Variants in PCDHA6 observed in about 807,000 individuals in gnomAD.
The protein encoded by PCDHA6 is protocadherin alpha 6.
Under a neutral mutation model 60.3 loss-of-function variants are expected in PCDHA6, and 55 were observed. The ratio of observed to expected loss-of-function variants is 0.91; its 90% CI spans 0.73 to 1.14. PCDHA6 has a LOEUF of 1.14. PCDHA6 is among the 50% of genes most tolerant of loss of function. PCDHA6 has a pLI of 0.00. For missense variants in PCDHA6, 1,327 were observed against 1,256.5 expected (o/e 1.06, Z -0.85); for synonymous variants, 652 against 557.9 (o/e 1.17, Z -2.38).
At chr5:140,876,745 G>T (rs782242909) in intron 1 of PCDHA6, 2 of 1,614,264 alleles carry the variant, frequency 1.2e-6, no homozygotes, top group South Asian at 2.2e-5. Flanking sequence ...TGAGCTGGTG[G>T]TGACTGCGCG....
At chr5:140,949,144 T>C (rs2094347159) in intron 1 of PCDHA6, among the ~76,000 whole-genome samples, 1 of 151,806 alleles carries the variant, frequency 6.6e-6, no homozygotes, top group Non-Finnish European at 1.5e-5. Context: ...TTGTTGCTTT[T>C]GATTTCTAAT....
chr5:140,942,391 G>A (rs901640537), intron 1 of PCDHA6, among the ~76,000 whole-genome samples: 1 of 151,546 alleles, frequency 6.6e-6, no homozygotes, highest in Non-Finnish European at 1.5e-5. Context: ...CAGCCTGGGC[G>A]ACAGATGAGA....
chr5:140,999,338 G>T (rs1451765927), intron 3 of PCDHA6, among the ~76,000 whole-genome samples: 2 of 152,126 alleles, frequency 1.3e-5, no homozygotes, highest in African/African-American at 2.4e-5. Context: ...TGATTTATAA[G>T]CCTTGTCTCT....
chr5:140,843,178 C>A (rs2150354589), intron 1 of PCDHA6: 1 of 1,596,102 alleles, frequency 6.3e-7, no homozygotes, highest in East Asian at 2.2e-5. Flanking sequence ...GCAGCCCTCG[C>A]ATCCCGTTCC....
At chr5:140,886,623 C>T (rs1273600111) in intron 1 of PCDHA6, among the ~76,000 whole-genome samples, 39 of 151,848 alleles carry the variant, frequency 2.6e-4, no homozygotes, top group Admixed American at 2.4e-3. Flanking sequence ...ATCAGGAGTC[C>T]GAGACCAGCC....
chr5:141,010,360 C>T lies in PCDHA6; in HGVS notation c.*423C>T, dbSNP rs1436094767. 22 of 1,488,936 alleles carry T rather than the reference C, an allele frequency of 1.5e-5. No individual in the cohort carries two copies. Among genetic ancestry groups the T allele is most frequent in the Non-Finnish European group, 1.9e-5 (21 of 1,118,260 alleles). The allele number at this position is 1,488,936 out of a possible 1,614,324, so 92.2% of individuals were successfully genotyped here. ...GGCCACTGGGTATGTGTGGCTACCG[C>T]GGGTATGCGAGTGCCAGATATTGGC... On this transcript the variant is annotated 3_prime_UTR_variant, in exon 4 of 4. Coordinates refer to ENST00000529310, the MANE Select transcript of PCDHA6 (RefSeq NM_018909.4).
intron 1 of PCDHA6, among the ~76,000 whole-genome samples, chr5:140,939,903 C>A (rs782506444): frequency 3.9e-4 from 60 of 152,166 alleles, no homozygotes; most frequent in Non-Finnish European, 5.9e-4. Flanking sequence ...ATTCTGCATT[C>A]TTTTTTATTC....
chr5:140,875,854 G>A (rs1448268904), intron 1 of PCDHA6: 6 of 1,614,160 alleles, frequency 3.7e-6, no homozygotes, highest in Non-Finnish European at 5.1e-6. Flanking sequence ...GGACATTAAC[G>A]ACAACCCGCC....
At chr5:140,990,507 T>C (rs1554251511) in intron 3 of PCDHA6, among the ~76,000 whole-genome samples, 1 of 152,158 alleles carries the variant, frequency 6.6e-6, no homozygotes, top group East Asian at 1.9e-4. Context: ...CCCCAAGTCT[T>C]CTCTCTTGTC....
At chr5:141,002,468 C>G (rs369108082) in intron 3 of PCDHA6, among the ~76,000 whole-genome samples, 2 of 152,334 alleles carry the variant, frequency 1.3e-5, no homozygotes, top group Middle Eastern at 3.4e-3. Flanking sequence ...AACGCTTTAG[C>G]ATTTTCAAAG....
chr5:140,928,795 G>T, intron 1 of PCDHA6: 1 of 1,614,152 alleles, frequency 6.2e-7, no homozygotes, highest in South Asian at 1.1e-5. Flanking sequence ...GCAGAGGGTG[G>T]TGGTAGTGGT....
chr5:140,915,771 G>T (rs1351294387), intron 1 of PCDHA6, among the ~76,000 whole-genome samples: 1 of 151,922 alleles, frequency 6.6e-6, no homozygotes, highest in Non-Finnish European at 1.5e-5. Flanking sequence ...TCTTGTCCAA[G>T]GCCTGCTGTA....
chr5:140,941,191 T>TTTTTCTTTCTTTC lies in PCDHA6; in HGVS notation c.2395-37755_2395-37754insTCTTTCTTTCTTT, dbSNP rs1554213809. On this transcript the variant is annotated intron_variant, in intron 1 of 3. Transcript: ENST00000529310. ...CATCTTGAACATCCTGCTTCTTTTT[T>TTTTTCTTTCTTTC]TTTCTTTCTTCCTTTCTTTCTTCCT... Among the ~76,000 whole-genome samples the TTTTTCTTTCTTTC allele has an allele frequency of 1.3e-4, 12 of 93,256 alleles. No individual in the cohort carries two copies. In the East Asian group the frequency reaches 2.9e-3, roughly 23 times the overall value. 61.2% of individuals were successfully genotyped at this position (93,256 alleles called of 152,430 possible). A position where few individuals can be genotyped will look rare whatever the true frequency, so the allele number is the denominator to read the frequency against.
chr5:140,994,568 G>T (rs1240135648), intron 3 of PCDHA6, among the ~76,000 whole-genome samples: 1 of 151,992 alleles, frequency 6.6e-6, no homozygotes, highest in Non-Finnish European at 1.5e-5. Context: ...AGCCGGGTGT[G>T]GTGGCATGCA....
chr5:140,912,113 A>C (rs1477558453), intron 1 of PCDHA6, among the ~76,000 whole-genome samples: 3 of 152,182 alleles, frequency 2.0e-5, no homozygotes, highest in African/African-American at 7.2e-5. Flanking sequence ...GTAGGCTGGG[A>C]GGCTAAGTCA....
At chr5:140,890,707 T>A (rs1217575075) in intron 1 of PCDHA6, among the ~76,000 whole-genome samples, 1 of 152,206 alleles carries the variant, frequency 6.6e-6, no homozygotes, top group African/African-American at 2.4e-5. Context: ...CTTACATTTT[T>A]AAAATCTTTT....
intron 3 of PCDHA6, among the ~76,000 whole-genome samples, chr5:140,994,546 A>T (rs1168797848): frequency 6.6e-6 from 1 of 152,066 alleles, no homozygotes; most frequent in Non-Finnish European, 1.5e-5. Context: ...CTACAAAAAA[A>T]ATATAAAAAT....
At chr5:140,843,844 AC>A in intron 1 of PCDHA6, 1 of 1,001,290 alleles carries the variant, frequency 1.0e-6, no homozygotes, top group Non-Finnish European at 1.5e-6. Flanking sequence ...GTTTTTAGAA[AC>A]CTTTTATAAT....
chr5:140,841,713 C>T, intron 1 of PCDHA6: 1 of 1,613,888 alleles, frequency 6.2e-7, no homozygotes, highest in Non-Finnish European at 8.5e-7. Context: ...GACAACCCGC[C>T]AGTGTTCCGG....
Sources: allele counts gnomAD v4.1 joint callset (sites outside exome capture counted in the v4.1 genomes callset), GRCh38; gene constraint gnomAD v4.1.1; transcripts MANE v1.5; gene names NCBI Gene and HGNC (gene_info 2026-07-23, HGNC 2026-07-21).